PACRG: variants seen among roughly 807,000 people sequenced by gnomAD.
PACRG encodes the protein parkin coregulated.
PACRG carries 29 observed loss-of-function variants against 29.7 expected under a neutral mutation model. The observed-to-expected ratio is 0.98, with a 90% CI of 0.73 to 1.33. The LOEUF is 1.33. Among genes scored for constraint, PACRG ranks in the 40% most tolerant of loss-of-function variants. PACRG has a pLI of 0.00. For missense variants in PACRG, 279 were observed against 316.2 expected, an observed-to-expected ratio of 0.88 and a Z score of 0.89; for synonymous variants, 116 against 118.7, an observed-to-expected ratio of 0.98 and a Z score of 0.15.
At chr6:162,939,064 A>G (rs1798435579) in intron 2 of PACRG, among the ~76,000 whole-genome samples, 1 of 152,196 alleles carries the variant, frequency 6.6e-6, no homozygotes, top group Non-Finnish European at 1.5e-5. Context: ...AAAAATGGGC[A>G]CATAGACCAA....
At chr6:162,766,779 A>G (rs1254874171) in intron 1 of PACRG, among the ~76,000 whole-genome samples, 1 of 152,122 alleles carries the variant, frequency 6.6e-6, no homozygotes, top group Non-Finnish European at 1.5e-5. Context: ...CATATTTTAA[A>G]TTTCTGATCT....
At position 163,232,928 on chromosome 6, in the gene PACRG, C is replaced by G. The variant is rs186914788; in HGVS notation, c.614-81899C>G. On this transcript the variant is annotated intron_variant, in intron 4 of 4. Coordinates refer to ENST00000366888, the MANE Select transcript of PACRG (RefSeq NM_001080379.2). ...ACCAGCCCTCAGCCCTCTCCCAACTCTGCTCCTCCAGCTGAAATACTGCCC... is the reference window on the plus strand; with the variant it reads ...ACCAGCCCTCAGCCCTCTCCCAACTGTGCTCCTCCAGCTGAAATACTGCCC... 3.1e-3 allele frequency among the ~76,000 whole-genome samples: 467 copies of G among 152,328 alleles called. 11 individuals carry two copies. The highest frequency in any genetic ancestry group is 0.028 in the Admixed American group (430 of 15,300).
chr6:163,075,737 T>A (rs1006017833), intron 3 of PACRG, among the ~76,000 whole-genome samples: 22 of 152,232 alleles, frequency 1.4e-4, no homozygotes, highest in Non-Finnish European at 4.4e-5. Flanking sequence ...AGGAATTCCC[T>A]TAATCTGATA....
At chr6:163,077,195 T>G (rs1562892229) in intron 3 of PACRG, among the ~76,000 whole-genome samples, 1 of 152,198 alleles carries the variant, frequency 6.6e-6, no homozygotes, top group Non-Finnish European at 1.5e-5. Context: ...ATTTAAGTGG[T>G]GAGAGTACAT....
chr6:162,855,046 G>A (rs759925658), intron 2 of PACRG, among the ~76,000 whole-genome samples: 3 of 152,254 alleles, frequency 2.0e-5, no homozygotes, highest in East Asian at 1.9e-4. Flanking sequence ...AATCTTAGGA[G>A]CAGAGGACTC....
intron 2 of PACRG, among the ~76,000 whole-genome samples, chr6:163,044,444 G>A (rs1473226603): frequency 2.0e-5 from 3 of 152,088 alleles, no homozygotes; most frequent in African/African-American, 4.8e-5. Context: ...TGGAATTACA[G>A]ACATGAATCA....
intron 2 of PACRG, among the ~76,000 whole-genome samples, chr6:162,844,280 G>A (rs1395998903): frequency 6.6e-6 from 1 of 152,208 alleles, no homozygotes; most frequent in Non-Finnish European, 1.5e-5. Flanking sequence ...TCCGAGCCAG[G>A]TGCGGGATAT....
At chr6:162,829,493 AG>A (rs1468184224) in intron 2 of PACRG, among the ~76,000 whole-genome samples, 2 of 152,230 alleles carry the variant, frequency 1.3e-5, no homozygotes, top group African/African-American at 4.8e-5. Flanking sequence ...CAATTTATTA[AG>A]TGCAGTGAAA....
At chr6:163,021,243 T>G (rs1373357396) in intron 2 of PACRG, among the ~76,000 whole-genome samples, 1 of 152,054 alleles carries the variant, frequency 6.6e-6, no homozygotes, top group Non-Finnish European at 1.5e-5. Context: ...ACCTCGCAGC[T>G]CCCACTCTGC....
intron 4 of PACRG, among the ~76,000 whole-genome samples, chr6:163,225,367 T>C (rs146385674): frequency 6.6e-6 from 1 of 152,304 alleles, no homozygotes; most frequent in East Asian, 1.9e-4. Flanking sequence ...CTGATGGCTT[T>C]ATAAGGGGCT....
At chr6:162,798,162 T>G (rs1785539308) in intron 1 of PACRG, among the ~76,000 whole-genome samples, 1 of 152,222 alleles carries the variant, frequency 6.6e-6, no homozygotes, top group African/African-American at 2.4e-5. Context: ...CTTCTGGGTC[T>G]AGGCTTCTTG....
At chr6:162,836,678 TTTTA>T (rs1401381186) in intron 2 of PACRG, among the ~76,000 whole-genome samples, 1 of 152,198 alleles carries the variant, frequency 6.6e-6, no homozygotes, top group Non-Finnish European at 1.5e-5. Flanking sequence ...AATCTTGCTC[TTTTA>T]GTCACATCCC....
At chr6:163,281,128 A>G (rs1376882307) in intron 4 of PACRG, among the ~76,000 whole-genome samples, 1 of 152,068 alleles carries the variant, frequency 6.6e-6, no homozygotes, top group Non-Finnish European at 1.5e-5. Flanking sequence ...GGGCAAACAT[A>G]AGGCACTAGA....
intron 2 of PACRG, among the ~76,000 whole-genome samples, chr6:163,014,431 A>G (rs1805894077): frequency 6.6e-6 from 1 of 152,118 alleles, no homozygotes; most frequent in Admixed American, 6.5e-5. Flanking sequence ...AAAATCTCCA[A>G]ACTGTTTTCC....
intron 3 of PACRG, among the ~76,000 whole-genome samples, chr6:163,067,520 A>T (rs990990289): frequency 1.3e-5 from 2 of 152,250 alleles, no homozygotes; most frequent in South Asian, 4.1e-4. Context: ...TATGCATATG[A>T]GGTACAAGTG....
intron 2 of PACRG, among the ~76,000 whole-genome samples, chr6:162,859,076 G>T (rs1298902298): frequency 3.3e-5 from 5 of 151,946 alleles, no homozygotes; most frequent in Non-Finnish European, 7.4e-5. Context: ...AATAATTGGA[G>T]GCCTCCATGA....
intron 4 of PACRG, among the ~76,000 whole-genome samples, chr6:163,256,642 G>A (rs927034397): frequency 6.6e-6 from 1 of 152,194 alleles, no homozygotes; most frequent in African/African-American, 2.4e-5. Context: ...GAAGGGACAC[G>A]TCGGTGCCTT....
At chr6:163,191,643 C>G (rs761188284) in intron 4 of PACRG, 2 of 456,086 alleles carry the variant, frequency 4.4e-6, no homozygotes, top group South Asian at 3.1e-5. Flanking sequence ...CTGCACTCCA[C>G]CAGGTGACTT....
At chr6:162,990,238 A>C (rs996402837) in intron 2 of PACRG, among the ~76,000 whole-genome samples, 7 of 151,074 alleles carry the variant, frequency 4.6e-5, no homozygotes, top group East Asian at 3.9e-4. Context: ...ATTTATAGTC[A>C]TTTGGGTATA....
Sources: allele counts gnomAD v4.1 joint callset (sites outside exome capture counted in the v4.1 genomes callset), GRCh38; gene constraint gnomAD v4.1.1; transcripts MANE v1.5; gene names NCBI Gene and HGNC (gene_info 2026-07-23, HGNC 2026-07-21).